Variants in FAF2 observed in about 807,000 individuals in gnomAD.
FAF2 encodes the protein Fas associated factor family member 2.
In FAF2, 9 loss-of-function variants were observed where a neutral mutation model predicts 62.3. The observed-to-expected ratio is 0.14, with a 90% confidence interval of 0.09 to 0.25. The LOEUF is 0.25. Among genes scored for constraint, FAF2 ranks in the 10% least tolerant of loss-of-function variants. FAF2 has a pLI of 1.00. For synonymous variants in FAF2, 202 were observed against 198.0 expected, an observed-to-expected ratio of 1.02 and a Z score of -0.17; for missense variants, 368 against 556.2, an observed-to-expected ratio of 0.66 and a Z score of 3.40.
At chr5:176,503,663 G>T (rs1405017416) in intron 10 of FAF2, among the ~76,000 whole-genome samples, 1 of 152,072 alleles carries the variant, frequency 6.6e-6, no homozygotes. Flanking sequence ...CTGGAAAGTG[G>T]TGCAATGCTA....
At chr5:176,501,553 G>A (rs73806244) in intron 10 of FAF2, among the ~76,000 whole-genome samples, 10 of 152,334 alleles carry the variant, frequency 6.6e-5, no homozygotes, top group African/African-American at 2.4e-4. Flanking sequence ...CAGTGAGCCA[G>A]ATACTCTAGG....
intron 8 of FAF2, 35 bp from the exon 9 acceptor site, chr5:176,498,879 C>T: frequency 6.7e-7 from 1 of 1,503,532 alleles, no homozygotes; most frequent in Non-Finnish European, 8.9e-7. Flanking sequence ...TGTGAGAGTG[C>T]TGTTTTTCTT....
At chr5:176,484,813 C>A (rs898576046) in intron 2 of FAF2, among the ~76,000 whole-genome samples, 2 of 151,472 alleles carry the variant, frequency 1.3e-5, no homozygotes, top group South Asian at 4.2e-4. Context: ...ATCGCTTGAA[C>A]CTGGGGGCGC....
At chr5:176,470,252 A>T (rs1758541272) in intron 1 of FAF2, among the ~76,000 whole-genome samples, 1 of 152,242 alleles carries the variant, frequency 6.6e-6, no homozygotes, top group Admixed American at 6.5e-5. Context: ...GTAGCCTCTC[A>T]CGCTACCCCA....
intron 8 of FAF2, among the ~76,000 whole-genome samples, chr5:176,498,594 T>G (rs1755539537): frequency 2.0e-5 from 3 of 152,246 alleles, no homozygotes; most frequent in Non-Finnish European, 4.4e-5. Flanking sequence ...GGTATTTACT[T>G]GTAAAATATG....
chr5:176,478,796 G>A (rs141181171), intron 1 of FAF2, among the ~76,000 whole-genome samples: 6 of 152,292 alleles, frequency 3.9e-5, no homozygotes, highest in Non-Finnish European at 8.8e-5. Context: ...TTCAAAAAAT[G>A]TTGGAGCATT....
Position 176,457,655 on chromosome 5 carries a change from T to G in FAF2, c.63+9185T>G, listed in dbSNP as rs187894674. 9.5e-4 allele frequency among the ~76,000 whole-genome samples: 143 copies of G among 150,280 alleles called. 2 individuals carry two copies. In the East Asian group the frequency reaches 0.023, roughly 25 times the overall value. ...ATTTGATTTGAACTGTTTTCAGGGGTGTGTGTGTGTGTGTGTGTGTTTAAT... is the reference window on the plus strand; with the variant it reads ...ATTTGATTTGAACTGTTTTCAGGGGGGTGTGTGTGTGTGTGTGTGTTTAAT... On this transcript the variant is annotated intron_variant, in intron 1 of 10. Coordinates refer to ENST00000261942, the MANE Select transcript of FAF2 (RefSeq NM_014613.3).
At chr5:176,471,983 A>G (rs1420685730) in intron 1 of FAF2, among the ~76,000 whole-genome samples, 1 of 151,012 alleles carries the variant, frequency 6.6e-6, no homozygotes, top group Non-Finnish European at 1.5e-5. Context: ...CCCAGCCCCT[A>G]TCTGTACATT....
intron 1 of FAF2, among the ~76,000 whole-genome samples, chr5:176,460,981 C>T (rs983261512): frequency 3.3e-5 from 5 of 150,796 alleles, no homozygotes; most frequent in Non-Finnish European, 7.4e-5. Context: ...AGTGTCTGTT[C>T]ATGTACTTTT....
At chr5:176,495,092 A>T (rs903541958) in intron 7 of FAF2, among the ~76,000 whole-genome samples, 1 of 152,212 alleles carries the variant, frequency 6.6e-6, no homozygotes, top group African/African-American at 2.4e-5. Flanking sequence ...GAAAGTTCAG[A>T]TCTTTGCTGA....
In FAF2 at chr5:176,492,343, T is replaced by G. The variant is rs572921141; in HGVS notation, c.483+11T>G. 1 of 1,609,388 alleles carries G rather than the reference T, an allele frequency of 6.2e-7. No homozygotes were observed. Among genetic ancestry groups the G allele is most frequent in the South Asian group, 1.1e-5 (1 of 90,638 alleles). Reference sequence around the variant, plus strand: ...GGAACGTACAGCCAGGTCAGTGCCATAAACCATATAGATGCCAACTTACCG... The same window carrying G: ...GGAACGTACAGCCAGGTCAGTGCCAGAAACCATATAGATGCCAACTTACCG... On this transcript the variant is annotated intron_variant, in intron 5 of 10. Transcript: ENST00000261942.
Position 176,492,270 on chromosome 5 carries a change from C to G in FAF2, c.421C>G (p.His141Asp), listed in dbSNP as rs201034835. ...DPVGDIVSFM[H>D]SFEEKYGRAH... ...CGTTGGGGACATTGTTTCATTTATG[C>G]ACTCTTTTGAAGAGAAATATGGGAG... is the stretch of plus-strand genomic sequence containing the variant. Residue 141 changes from histidine to aspartate, a missense_variant, in exon 5 of 11, where the codon CAC becomes GAC. Coordinates refer to ENST00000261942, the MANE Select transcript of FAF2 (RefSeq NM_014613.3). 4.7e-5 allele frequency: 76 copies of G among 1,614,178 alleles called. 1 individual carries two copies. In the Middle Eastern group the frequency reaches 1.2e-3, roughly 25 times the overall value.
In FAF2 at chr5:176,496,431, G is replaced by C; in HGVS notation, c.662-55G>C. On this transcript the variant is annotated intron_variant, in intron 7 of 10. Transcript: ENST00000261942. ...CTCACTCATTGTGGAAAGTCTAAGG[G>C]TTGATCTTTTTCACCGTCAAGTCCT... is the stretch of plus-strand genomic sequence containing the variant. 3 of 1,420,046 alleles carry C rather than the reference G, an allele frequency of 2.1e-6. No individual in the cohort carries two copies. The East Asian group carries it at 7.5e-5, about 36-fold the overall frequency. The allele number at this position is 1,420,046 out of a possible 1,614,324, so 88.0% of individuals were successfully genotyped here. A position where few individuals can be genotyped will look rare whatever the true frequency, so the allele number is the denominator to read the frequency against.
chr5:176,492,367 C>T (rs754825845), intron 5 of FAF2, 35 bp downstream of exon 5: 26 of 1,585,208 alleles, frequency 1.6e-5, no homozygotes, highest in South Asian at 9.1e-5. Flanking sequence ...GCCAACTTAC[C>T]GAAATGATTC....
chr5:176,473,300 A>C (rs1758605917), intron 1 of FAF2, among the ~76,000 whole-genome samples: 2 of 152,152 alleles, frequency 1.3e-5, no homozygotes, highest in African/African-American at 4.8e-5. Flanking sequence ...TATTTTGTAG[A>C]ATATTTCTCA....
chr5:176,481,911 G>C (rs1016597417), intron 2 of FAF2, among the ~76,000 whole-genome samples: 7 of 152,134 alleles, frequency 4.6e-5, no homozygotes, highest in Non-Finnish European at 8.8e-5. Context: ...GTGACACTAT[G>C]TTTAACCTTT....
chr5:176,464,785 T>G (rs970608836), intron 1 of FAF2, among the ~76,000 whole-genome samples: 2 of 151,744 alleles, frequency 1.3e-5, no homozygotes, highest in African/African-American at 4.8e-5. Context: ...TGTGAAGTTG[T>G]GAGGTTAAAT....
intron 1 of FAF2, among the ~76,000 whole-genome samples, chr5:176,464,021 T>C (rs1489187743): frequency 6.6e-6 from 1 of 152,190 alleles, no homozygotes; most frequent in East Asian, 1.9e-4. Context: ...TGAGCCACTG[T>C]GCCGGGCCTT....
In FAF2 at chr5:176,492,210, A is replaced by T. The variant is rs1758983109; in HGVS notation, c.361A>T (p.Ile121Leu). ...CCTCCCCAGGTTTGCTCTTCGTTTT[A>T]TACGGCCTGACCCTCGCAGCCGGGT... ...LDIFRFALRF[I>L]RPDPRSRVTD... The change falls in exon 5 of 11, where the codon ATA becomes TTA. Residue 121 changes from isoleucine to leucine, a missense_variant. Physicochemically the swap from Ile to Leu is conservative, Grantham distance 5. Transcript: ENST00000261942. 2 of 1,614,082 alleles carry T rather than the reference A, an allele frequency of 1.2e-6. No individual in the cohort carries two copies. The highest frequency in any genetic ancestry group is 1.7e-6 in the Non-Finnish European group (2 of 1,180,000).
Sources: allele counts gnomAD v4.1 joint callset (sites outside exome capture counted in the v4.1 genomes callset), GRCh38; gene constraint gnomAD v4.1.1; transcripts MANE v1.5; gene names NCBI Gene and HGNC (gene_info 2026-07-23, HGNC 2026-07-21).